Variants in PIK3CB observed in about 807,000 individuals in gnomAD.
PIK3CB encodes the protein phosphatidylinositol 4,5-bisphosphate 3-kinase catalytic subunit beta isoform.
A neutral mutation model predicts 136.8 loss-of-function variants in PIK3CB; 39 were observed. The ratio of observed to expected loss-of-function variants is 0.29; its 90% CI spans 0.22 to 0.37. PIK3CB has a LOEUF of 0.37. Among genes scored for constraint, PIK3CB ranks in the 10% least tolerant of loss-of-function variants. The pLI, the probability that PIK3CB is intolerant of heterozygous loss-of-function variation, is 1.00. For synonymous variants in PIK3CB, 428 were observed against 436.6 expected (o/e 0.98, Z 0.25); for missense variants, 868 against 1,275.4 (o/e 0.68, Z 4.87).
intron 1 of PIK3CB, among the ~76,000 whole-genome samples, chr3:138,824,742 G>C (rs570220859): frequency 6.6e-6 from 1 of 151,546 alleles, no homozygotes; most frequent in Non-Finnish European, 1.5e-5. Flanking sequence ...CGGGGAGAAG[G>C]GGGGTCACAA....
At chr3:138,672,269 G>GAA (rs376872101) in intron 19 of PIK3CB, among the ~76,000 whole-genome samples, 29 of 144,908 alleles carry the variant, frequency 2.0e-4, no homozygotes, top group African/African-American at 7.3e-4. Context: ...GGGTAGGCAA[G>GAA]AAAAAAAAAA....
intron 5 of PIK3CB, among the ~76,000 whole-genome samples, chr3:138,738,371 C>G (rs2045159820): frequency 6.6e-6 from 1 of 152,156 alleles, no homozygotes; most frequent in Non-Finnish European, 1.5e-5. Context: ...CAGGGTTTCA[C>G]CATGTTGTCC....
At position 138,662,672 on chromosome 3, in the gene PIK3CB, C is replaced by T. The variant is rs1358238959; in HGVS notation, c.2796+1234G>A. 7.3e-5 allele frequency among the ~76,000 whole-genome samples: 11 copies of T among 151,120 alleles called. No homozygotes were observed. In the East Asian group the frequency reaches 7.8e-4, roughly 11 times the overall value. On this transcript the variant is annotated intron_variant, in intron 21 of 23. Transcript: ENST00000674063. ...AAATGGTATTTCTAGTTCTAGATCCCTGAGGAATCGCCACACTGACTTCCA... is the reference window on the plus strand; with the variant it reads ...AAATGGTATTTCTAGTTCTAGATCCTTGAGGAATCGCCACACTGACTTCCA...
At chr3:138,825,780 C>A in intron 1 of PIK3CB, 1 of 834,788 alleles carries the variant, frequency 1.2e-6, no homozygotes, top group South Asian at 1.5e-5. Context: ...TGGTGGTCAC[C>A]TTTGCTCCAG....
chr3:138,814,045 C>T (rs11720178), intron 1 of PIK3CB, among the ~76,000 whole-genome samples: 52,751 of 151,996 alleles, frequency 0.35, 10,631 homozygotes, highest in Non-Finnish European at 0.46. Context: ...TGAATCAACA[C>T]ATGATGAGAT....
chr3:138,733,751 G>A (rs189569981), intron 7 of PIK3CB, among the ~76,000 whole-genome samples: 47 of 152,204 alleles, frequency 3.1e-4, no homozygotes, highest in African/African-American at 6.5e-4. Flanking sequence ...GGTGGCGGGC[G>A]CCTGTAGTCC....
Position 138,696,053 on chromosome 3 carries a change from G to T in PIK3CB, c.1771-1146C>A, listed in dbSNP as rs141311940. On this transcript the variant is annotated intron_variant, in intron 13 of 23. Transcript: ENST00000674063. ...CAAAGTTCTGGGATTACAGGCATGA[G>T]CCACTGCACTCAGCATAAATTGTTA... 8.9e-3 allele frequency among the ~76,000 whole-genome samples: 1,336 copies of T among 150,596 alleles called. 25 individuals carry two copies. Among genetic ancestry groups the T allele is most frequent in the African/African-American group, 0.03 (1,210 of 40,998 alleles).
At chr3:138,779,388 CTTTT>C (rs753018315) in intron 2 of PIK3CB, among the ~76,000 whole-genome samples, 3 of 112,058 alleles carry the variant, frequency 2.7e-5, no homozygotes, top group Admixed American at 1.1e-4. Context: ...GCCCGGCCTT[CTTTT>C]TTTTTTTTTT....
At chr3:138,784,576 C>T (rs899626283) in intron 2 of PIK3CB, among the ~76,000 whole-genome samples, 2 of 152,170 alleles carry the variant, frequency 1.3e-5, no homozygotes, top group Non-Finnish European at 2.9e-5. Context: ...ATTGCAGGCG[C>T]GCGCCGCCAC....
intron 1 of PIK3CB, among the ~76,000 whole-genome samples, chr3:138,824,773 G>A (rs1460872773): frequency 6.6e-6 from 1 of 151,600 alleles, no homozygotes; most frequent in African/African-American, 2.4e-5. Flanking sequence ...CCTAGGCTGG[G>A]TGCCATGACT....
chr3:138,802,550 A>G (rs375149037), intron 1 of PIK3CB, among the ~76,000 whole-genome samples: 26 of 39,488 alleles, frequency 6.6e-4, no homozygotes, highest in African/African-American at 2.3e-3. Context: ...TTGTGAGGGG[A>G]AAAAAAAAAA....
At chr3:138,767,948 G>A (rs1392862394) in intron 2 of PIK3CB, among the ~76,000 whole-genome samples, 1 of 152,216 alleles carries the variant, frequency 6.6e-6, no homozygotes, top group Non-Finnish European at 1.5e-5. Context: ...CAAAGGTCAT[G>A]TTTCAGCCCT....
Position 138,785,028 on chromosome 3 carries a change from C to A in PIK3CB, c.-17+11435G>T, listed in dbSNP as rs902655131. 2.0e-5 allele frequency among the ~76,000 whole-genome samples: 3 copies of A among 152,206 alleles called. No individual in the cohort carries two copies. In the East Asian group the frequency reaches 5.8e-4, roughly 30 times the overall value. ...GCCCCGTCTGGGAAGTGAGGAGCCC[C>A]TCCGCCCCGCAGCCGCCCCGTCTGG... On this transcript the variant is annotated intron_variant, in intron 2 of 23. Transcript: ENST00000674063.
intron 1 of PIK3CB, chr3:138,825,822 T>C (rs1933761953): frequency 1.8e-6 from 2 of 1,092,856 alleles, no homozygotes; most frequent in Admixed American, 2.0e-5. Flanking sequence ...TCTGTTGAAA[T>C]GCACCATGAA....
rs142682739 is a variant in PIK3CB at position 138,734,080 on chromosome 3, T to C, written c.972+554A>G. ...AACATCATCAAGGAGTAGTTCAATA[T>C]ACAATTTGTGACGACTGAGTAACTG... On this transcript the variant is annotated intron_variant, in intron 7 of 23. Transcript: ENST00000674063. 2.6e-3 allele frequency among the ~76,000 whole-genome samples: 391 copies of C among 152,294 alleles called. 1 individual carries two copies. The highest frequency in any genetic ancestry group is 9.0e-3 in the African/African-American group (372 of 41,554).
At chr3:138,808,771 C>G (rs1038698562) in intron 1 of PIK3CB, among the ~76,000 whole-genome samples, 1 of 151,064 alleles carries the variant, frequency 6.6e-6, no homozygotes, top group South Asian at 2.1e-4. Flanking sequence ...TACACACACA[C>G]TATACATAAT....
At chr3:138,776,894 T>A (rs361067) in intron 2 of PIK3CB, among the ~76,000 whole-genome samples, 82,711 of 143,400 alleles carry the variant, frequency 0.58, 24,729 homozygotes, top group East Asian at 0.98. Context: ...CTGCACTCCA[T>A]TGTTGGTGAC....
intron 2 of PIK3CB, among the ~76,000 whole-genome samples, chr3:138,785,208 C>T (rs866593840): frequency 3.4e-4 from 51 of 151,426 alleles, no homozygotes; most frequent in Non-Finnish European, 7.1e-4. Context: ...AGCCCCCGCC[C>T]GGCCAGCCGC....
At chr3:138,723,670 G>T (rs1345837171) in intron 8 of PIK3CB, among the ~76,000 whole-genome samples, 1 of 152,170 alleles carries the variant, frequency 6.6e-6, no homozygotes, top group Non-Finnish European at 1.5e-5. Context: ...AAGAAGTCAG[G>T]CTTTGACATG....
Sources: gnomAD v4.1 joint callset for allele counts (sites outside exome capture counted in the v4.1 genomes callset) on GRCh38, gnomAD v4.1.1 for gene constraint, MANE v1.5 for transcripts, NCBI Gene and HGNC (gene_info 2026-07-23, HGNC 2026-07-21) for gene names.